SORCS3: variants seen among roughly 807,000 people sequenced by gnomAD.
The protein encoded by SORCS3 is sortilin related VPS10 domain containing receptor 3.
Under a neutral mutation model 146.3 loss-of-function variants are expected in SORCS3, and 57 were observed. That is an observed-to-expected ratio of 0.39 (90% confidence interval 0.31 to 0.49). The LOEUF is 0.49. Ranked by LOEUF, SORCS3 falls within the 20% of genes least tolerant of loss-of-function variation. The probability of loss-of-function intolerance (pLI) is 0.92; values close to 1 mark genes in which losing one functional copy is unlikely to be tolerated. For missense variants in SORCS3, 1,341 were observed against 1,575.5 expected, an observed-to-expected ratio of 0.85 and a Z score of 2.52; for synonymous variants, 653 against 618.5, an observed-to-expected ratio of 1.06 and a Z score of -0.83.
chr10:105,163,255 G>T (rs2056282199), intron 11 of SORCS3, among the ~76,000 whole-genome samples: 1 of 152,184 alleles, frequency 6.6e-6, no homozygotes, highest in African/African-American at 2.4e-5. Flanking sequence ...AATGTCAGGA[G>T]CTCAATTAAC....
At chr10:104,812,512 G>A (rs369178647) in intron 1 of SORCS3, among the ~76,000 whole-genome samples, 17 of 152,128 alleles carry the variant, frequency 1.1e-4, no homozygotes, top group African/African-American at 3.9e-4. Flanking sequence ...TCCAGCTGGC[G>A]ATTCCAAAAA....
At chr10:105,214,389 A>G in intron 17 of SORCS3, 53 bp from the exon 18 acceptor site, 3 of 1,465,160 alleles carry the variant, frequency 2.0e-6, no homozygotes, top group Non-Finnish European at 2.8e-6. Flanking sequence ...CACATACAAC[A>G]GCAACAACAA....
chr10:105,001,966 C>T (rs2055064724), intron 4 of SORCS3, among the ~76,000 whole-genome samples: 1 of 152,148 alleles, frequency 6.6e-6, no homozygotes, highest in Non-Finnish European at 1.5e-5. Flanking sequence ...AGCAGAGCAT[C>T]TTAATTCTTC....
At position 104,846,557 on chromosome 10, in the gene SORCS3, A is replaced by G. The variant is rs970551237; in HGVS notation, c.695+3698A>G. Among the ~76,000 whole-genome samples, 4 of 152,236 alleles carry G rather than the reference A, an allele frequency of 2.6e-5. No homozygotes were observed. In the South Asian group the frequency reaches 8.3e-4, roughly 32 times the overall value. On this transcript the variant is annotated intron_variant, in intron 2 of 26. Coordinates refer to ENST00000369701, the MANE Select transcript of SORCS3 (RefSeq NM_014978.3). ...TGTCAGGTTGCAATGTGATATAATTATCTGCCTTACTGGATTAATAATTCA... is the reference window on the plus strand; with the variant it reads ...TGTCAGGTTGCAATGTGATATAATTGTCTGCCTTACTGGATTAATAATTCA...
intron 14 of SORCS3, among the ~76,000 whole-genome samples, chr10:105,192,896 C>T (rs970881496): frequency 1.3e-5 from 2 of 152,130 alleles, no homozygotes; most frequent in Admixed American, 6.6e-5. Flanking sequence ...AGTCAAGTAA[C>T]CCAGGGCTGC....
At chr10:104,888,254 A>G (rs2018711957) in intron 2 of SORCS3, among the ~76,000 whole-genome samples, 1 of 152,226 alleles carries the variant, frequency 6.6e-6, no homozygotes, top group Non-Finnish European at 1.5e-5. Flanking sequence ...AAAACTGAAA[A>G]TTAAATGTTA....
intron 1 of SORCS3, among the ~76,000 whole-genome samples, chr10:104,703,676 A>T (rs1007115923): frequency 1.4e-5 from 2 of 147,708 alleles, no homozygotes; most frequent in South Asian, 2.2e-4. Context: ...ACGTATACCT[A>T]TGTAACAAAC....
At chr10:105,018,098 C>T (rs2055178206) in intron 4 of SORCS3, among the ~76,000 whole-genome samples, 1 of 152,178 alleles carries the variant, frequency 6.6e-6, no homozygotes, top group Admixed American at 6.5e-5. Context: ...AAGAGAAGAC[C>T]TGGCTTCAAG....
intron 1 of SORCS3, among the ~76,000 whole-genome samples, chr10:104,690,121 G>A (rs1388116052): frequency 1.3e-5 from 2 of 152,200 alleles, no homozygotes; most frequent in Admixed American, 6.5e-5. Flanking sequence ...CTGAGGAATT[G>A]AAGTTTCCTT....
At chr10:104,664,773 G>C (rs1485307439) in intron 1 of SORCS3, 1 of 152,302 alleles carries the variant, frequency 6.6e-6, no homozygotes, top group Non-Finnish European at 1.5e-5. Context: ...AATGAGGAAG[G>C]GTCCCTTGTC....
At chr10:105,015,193 A>G (rs1444281448) in intron 4 of SORCS3, among the ~76,000 whole-genome samples, 2 of 151,710 alleles carry the variant, frequency 1.3e-5, no homozygotes, top group African/African-American at 2.4e-5. Flanking sequence ...GTAGATTTGA[A>G]CAACTACTTT....
At chr10:104,727,370 C>T (rs1362147461) in intron 1 of SORCS3, among the ~76,000 whole-genome samples, 1 of 152,060 alleles carries the variant, frequency 6.6e-6, no homozygotes, top group Non-Finnish European at 1.5e-5. Flanking sequence ...AACCCACTAT[C>T]CAGAAATACA....
rs1170021976 is a variant in SORCS3, at chr10:105,101,964, A to G, written c.1094-3433A>G. On this transcript the variant is annotated intron_variant, in intron 6 of 26. Transcript: ENST00000369701. Reference sequence around the variant, plus strand: ...GTTCCAAGAATATTCCTGGTGGGCTAGCAGCAATGTGCTCCAAAGCACAGC... The same window carrying G: ...GTTCCAAGAATATTCCTGGTGGGCTGGCAGCAATGTGCTCCAAAGCACAGC... 2.6e-5 allele frequency among the ~76,000 whole-genome samples: 4 copies of G among 152,230 alleles called. No homozygotes were observed. In the East Asian group the frequency reaches 7.7e-4, roughly 29 times the overall value.
At position 104,822,191 on chromosome 10, in the gene SORCS3, T is replaced by C. The variant is rs765792410; in HGVS notation, c.628-20601T>C. On this transcript the variant is annotated intron_variant, in intron 1 of 26. Coordinates refer to ENST00000369701, the MANE Select transcript of SORCS3 (RefSeq NM_014978.3). The stretch of plus-strand genomic sequence containing the variant: ...CAGTCAGGTCTCAGAACTGAGGCCT[T>C]AATTCCCAAGCACACGTTGTCTGTT... 2.5e-4 allele frequency: 117 copies of C among 466,540 alleles called. 1 individual carries two copies. The highest frequency in any genetic ancestry group is 9.8e-4 in the South Asian group (61 of 62,314). The allele number at this position is 466,540 out of a possible 1,614,324, so 28.9% of individuals were successfully genotyped here.
chr10:105,019,001 T>A (rs1038394065), intron 4 of SORCS3, among the ~76,000 whole-genome samples: 2 of 152,184 alleles, frequency 1.3e-5, no homozygotes, highest in African/African-American at 4.8e-5. Context: ...ATGTTGAAAT[T>A]ATTATATCTG....
chr10:105,213,964 A>G (rs1589691565), intron 17 of SORCS3, among the ~76,000 whole-genome samples: 1 of 152,210 alleles, frequency 6.6e-6, no homozygotes, highest in Non-Finnish European at 1.5e-5. Context: ...GAAGATAGGA[A>G]TCAGCCTCCT....
rs139053501 is a variant in SORCS3 at position 104,891,881 on chromosome 10, C to T, written c.696-23952C>T. On this transcript the variant is annotated intron_variant, in intron 2 of 26. Coordinates refer to ENST00000369701, the MANE Select transcript of SORCS3 (RefSeq NM_014978.3). ...ATCATAACACACACTATGACTGGCA[C>T]CTCCGAAGGTAATGAATTGGCTCCT... Among the ~76,000 whole-genome samples the T allele has an allele frequency of 5.5e-3, 843 of 152,248 alleles. 14 individuals carry two copies. The highest frequency in any genetic ancestry group is 0.019 in the African/African-American group (783 of 41,542).
intron 1 of SORCS3, among the ~76,000 whole-genome samples, chr10:104,661,488 A>G (rs2015699505): frequency 6.6e-6 from 1 of 152,220 alleles, no homozygotes; most frequent in South Asian, 2.1e-4. Flanking sequence ...AATCAGTGAC[A>G]TACCTCAACA....
intron 4 of SORCS3, among the ~76,000 whole-genome samples, chr10:105,018,151 C>G (rs2055178390): frequency 6.6e-6 from 1 of 152,304 alleles, no homozygotes; most frequent in South Asian, 2.1e-4. Context: ...GTGTTGCTGT[C>G]TTGTTTTGCT....
Sources: allele counts gnomAD v4.1 joint callset (sites outside exome capture counted in the v4.1 genomes callset), GRCh38; gene constraint gnomAD v4.1.1; transcripts MANE v1.5; gene names NCBI Gene and HGNC (gene_info 2026-07-23, HGNC 2026-07-21).